TACC1: variants seen among roughly 807,000 people sequenced by gnomAD.
TACC1 encodes the protein transforming acidic coiled-coil containing protein 1.
Under a neutral mutation model 84.4 loss-of-function variants are expected in TACC1, and 48 were observed. That is an observed-to-expected ratio of 0.57 (90% CI 0.45 to 0.72). The LOEUF (loss-of-function observed/expected upper bound fraction) is 0.72, where lower values mean the gene tolerates loss of function less well. Ranked by LOEUF, TACC1 falls within the 30% of genes least tolerant of loss-of-function variation. TACC1 has a pLI of 0.00. For missense variants in TACC1, 920 were observed against 973.0 expected, an observed-to-expected ratio of 0.95 and a Z score of 0.72; for synonymous variants, 372 against 376.3, an observed-to-expected ratio of 0.99 and a Z score of 0.13.
intron 1 of TACC1, among the ~76,000 whole-genome samples, chr8:38,729,046 G>A (rs778833564): frequency 2.0e-5 from 3 of 151,344 alleles, no homozygotes; most frequent in Non-Finnish European, 4.4e-5. Context: ...CCCCTGAAAT[G>A]CCCAGGAGCA....
chr8:38,759,797 C>G (rs1810849434), intron 3 of TACC1, among the ~76,000 whole-genome samples: 1 of 152,172 alleles, frequency 6.6e-6, no homozygotes, highest in African/African-American at 2.4e-5. Flanking sequence ...TCTAGAAATG[C>G]AAGATTCCAA....
intron 3 of TACC1, chr8:38,757,387 C>T: frequency 7.9e-7 from 1 of 1,258,684 alleles, no homozygotes; most frequent in Non-Finnish European, 1.0e-6. Flanking sequence ...CGGGGAGAGG[C>T]ACCCGAGACC....
At chr8:38,743,262 A>T (rs1382865215) in intron 2 of TACC1, among the ~76,000 whole-genome samples, 1 of 151,778 alleles carries the variant, frequency 6.6e-6, no homozygotes, top group East Asian at 1.9e-4. Context: ...AGTAAGACAG[A>T]CATCAAGGTA....
At chr8:38,730,501 A>C (rs1804706751) in intron 1 of TACC1, among the ~76,000 whole-genome samples, 1 of 152,258 alleles carries the variant, frequency 6.6e-6, no homozygotes, top group South Asian at 2.1e-4. Flanking sequence ...GGCTGAGCAC[A>C]TTACACAGAT....
intron 2 of TACC1, among the ~76,000 whole-genome samples, chr8:38,801,779 A>G (rs528230463): frequency 6.6e-6 from 1 of 152,326 alleles, no homozygotes; most frequent in Non-Finnish European, 1.5e-5. Flanking sequence ...TTTGATATGG[A>G]TTGTATTCAA....
chr8:38,838,808 T>C (rs1214893281), intron 8 of TACC1, among the ~76,000 whole-genome samples: 1 of 152,212 alleles, frequency 6.6e-6, no homozygotes, highest in Non-Finnish European at 1.5e-5. Flanking sequence ...TCTTATCTTC[T>C]TAGAACTGAC....
intron 9 of TACC1, among the ~76,000 whole-genome samples, chr8:38,841,995 G>A (rs538250296): frequency 6.6e-6 from 1 of 152,186 alleles, no homozygotes; most frequent in South Asian, 2.1e-4. Context: ...CTCCCAGGTA[G>A]CTGTATGGCT....
chr8:38,806,488 A>G (rs112238789), intron 2 of TACC1, among the ~76,000 whole-genome samples: 3,570 of 150,556 alleles, frequency 0.024, 125 homozygotes, highest in African/African-American at 0.075. Context: ...GAGAGAGAGA[A>G]AGAGAGAGAG....
At chr8:38,768,606 G>C (rs1812750661) in intron 3 of TACC1, among the ~76,000 whole-genome samples, 1 of 152,176 alleles carries the variant, frequency 6.6e-6, no homozygotes, top group African/African-American at 2.4e-5. Flanking sequence ...ACCCCTGTAT[G>C]AATGGTCCAG....
intron 2 of TACC1, chr8:38,805,398 T>G (rs1033406017): frequency 7.2e-5 from 11 of 152,254 alleles, no homozygotes; most frequent in African/African-American, 2.4e-4. Context: ...GGGAAGCTGG[T>G]GACACAGGAA....
Position 38,819,599 on chromosome 8 carries a change from G to C in TACC1, c.355G>C (p.Glu119Gln). 1 of 1,614,250 alleles carries C rather than the reference G, an allele frequency of 6.2e-7. No individual in the cohort carries two copies. Among genetic ancestry groups the C allele is most frequent in the Non-Finnish European group, 8.5e-7 (1 of 1,180,054 alleles). Residue 119 changes from glutamate (E) to glutamine (Q), a missense_variant, in exon 3 of 13, where the codon GAA becomes CAA. Coordinates refer to ENST00000317827, the MANE Select transcript of TACC1 (RefSeq NM_006283.3). ...CSSKTCSKPS[E>Q]NEVPQQAIDS... Reference sequence around the variant, plus strand: ...ATCTAAGACTTGTTCTAAACCTTCAGAAAATGAAGTGCCACAGCAGGCCAT... The same window carrying C: ...ATCTAAGACTTGTTCTAAACCTTCACAAAATGAAGTGCCACAGCAGGCCAT...
intron 3 of TACC1, among the ~76,000 whole-genome samples, chr8:38,775,617 A>T (rs1472997221): frequency 6.6e-6 from 1 of 152,040 alleles, no homozygotes; most frequent in Non-Finnish European, 1.5e-5. Flanking sequence ...CCCAGGAAGA[A>T]CCCTCATGAC....
Position 38,850,944 on chromosome 8 carries a change from AGT to A in TACC1, c.*2922_*2923del, listed in dbSNP as rs1833004772. On this transcript the variant is annotated 3_prime_UTR_variant, in exon 13 of 13. Transcript: ENST00000317827. Reference sequence around the variant, plus strand: ...AAAGTGTAGATAGCCTTTATCCAGCAGTATTTTAAGTGGGGAATGCAACGTGA... The same window carrying A: ...AAAGTGTAGATAGCCTTTATCCAGCAATTTTAAGTGGGGAATGCAACGTGA... 6.6e-6 allele frequency: 1 copy of A among 152,372 alleles called. No individual in the cohort carries two copies. Among genetic ancestry groups the A allele is most frequent in the Non-Finnish European group, 1.5e-5 (1 of 67,964 alleles). 9.4% of individuals were successfully genotyped at this position (152,372 alleles called of 1,614,324 possible).
intron 12 of TACC1, 73 bp from the exon 13 acceptor site, chr8:38,847,882 G>A: frequency 1.6e-6 from 2 of 1,261,952 alleles, no homozygotes; most frequent in South Asian, 2.5e-5. Flanking sequence ...TCCAGACTTG[G>A]GACTAGTTAA....
chr8:38,802,115 G>T (rs551594728), intron 2 of TACC1: 2 of 152,250 alleles, frequency 1.3e-5, no homozygotes, highest in Non-Finnish European at 2.9e-5. Flanking sequence ...TCCCTATGGT[G>T]CCCAGGCTGG....
chr8:38,839,631 A>G (rs969782036), intron 8 of TACC1: 26 of 249,754 alleles, frequency 1.0e-4, no homozygotes, highest in African/African-American at 5.5e-4. Context: ...AGGGCAGGGG[A>G]GGACGTGATG....
chr8:38,843,372 C>G lies in TACC1; in HGVS notation c.2205C>G (p.Ile735Met), dbSNP rs1831611432. The G allele has an allele frequency of 6.2e-7, 1 of 1,608,126 alleles. No homozygotes were observed. Among genetic ancestry groups the G allele is most frequent in the East Asian group, 2.2e-5 (1 of 44,524 alleles). Residue 735 changes from isoleucine to methionine, a missense_variant, in exon 11 of 13, where the codon ATC (isoleucine) becomes ATG (methionine). Ile to Met is a conservative substitution (Grantham distance 10). Coordinates refer to ENST00000317827, the MANE Select transcript of TACC1 (RefSeq NM_006283.3). Reference protein sequence around the residue: ...QEEQRYQALKIHAEEKLDKAN... With the variant: ...QEEQRYQALKMHAEEKLDKAN... ...AGCAGCGATACCAGGCCCTGAAAAT[C>G]CACGCAGAAGAGAAACTGGACAAGT...
chr8:38,763,321 T>A (rs1207412719), intron 3 of TACC1, among the ~76,000 whole-genome samples: 1 of 148,490 alleles, frequency 6.7e-6, no homozygotes, highest in African/African-American at 2.5e-5. Context: ...GCTATTTGTT[T>A]AAAAAAAAAA....
intron 3 of TACC1, among the ~76,000 whole-genome samples, chr8:38,774,684 G>A (rs944699285): frequency 1.3e-5 from 2 of 151,916 alleles, no homozygotes; most frequent in African/African-American, 4.8e-5. Flanking sequence ...TGTTTTTGAA[G>A]GGATGGGGTC....
Sources: allele counts gnomAD v4.1 joint callset (sites outside exome capture counted in the v4.1 genomes callset), GRCh38; gene constraint gnomAD v4.1.1; transcripts MANE v1.5; gene names NCBI Gene and HGNC (gene_info 2026-07-23, HGNC 2026-07-21).